PUDP: variants seen among roughly 807,000 people sequenced by gnomAD.
PUDP encodes pseudouridine 5'-phosphatase, also known as pseudouridine-5'-phosphatase.
A neutral mutation model predicts 9.4 loss-of-function variants in PUDP; 8 were observed. That is an observed-to-expected ratio of 0.85 (90% confidence interval 0.50 to 1.53). The LOEUF (loss-of-function observed/expected upper bound fraction) is 1.53, where lower values mean the gene tolerates loss of function less well. Ranked by LOEUF, PUDP falls within the 40% of genes most tolerant of loss-of-function variation. The pLI is 0.00. For synonymous variants in PUDP, 99 were observed against 80.7 expected, an observed-to-expected ratio of 1.23 and a Z score of -1.22; for missense variants, 188 against 189.7, an observed-to-expected ratio of 0.99 and a Z score of 0.05.
chrX:6,985,856 A>G (rs928578278), intron 1 of PUDP, among the ~76,000 whole-genome samples: 2 of 111,681 alleles, frequency 1.8e-5, no homozygotes, highest in Non-Finnish European at 3.8e-5. Flanking sequence ...GCTGAAACCT[A>G]CTGGGCTGCA....
intron 3 of PUDP, among the ~76,000 whole-genome samples, chrX:7,065,672 A>G (rs953570152): frequency 1.8e-5 from 2 of 112,333 alleles, no homozygotes; most frequent in African/African-American, 6.5e-5. Flanking sequence ...AGATCGGGTG[A>G]GGAAGGTACA....
intron 3 of PUDP, among the ~76,000 whole-genome samples, chrX:6,853,913 A>G (rs1266635172): frequency 2.7e-5 from 3 of 110,669 alleles, no homozygotes; most frequent in Non-Finnish European, 5.7e-5. Context: ...ACAGCCATGC[A>G]CCACCACACC....
chrX:6,901,210 C>A (rs991401520), intron 3 of PUDP, among the ~76,000 whole-genome samples: 1 of 111,980 alleles, frequency 8.9e-6, no homozygotes, highest in Non-Finnish European at 1.9e-5. Flanking sequence ...AGACACTGAA[C>A]AAATGGCTGC....
chrX:6,877,167 C>T (rs994344040), intron 3 of PUDP, among the ~76,000 whole-genome samples: 12 of 110,005 alleles, frequency 1.1e-4, no homozygotes, highest in Non-Finnish European at 2.1e-4. Context: ...CTATGTTGAT[C>T]AGGCTGGTCT....
intron 3 of PUDP, among the ~76,000 whole-genome samples, chrX:6,961,355 C>T (rs933177336): frequency 9.1e-6 from 1 of 110,346 alleles, no homozygotes; most frequent in African/African-American, 3.3e-5. Flanking sequence ...CACTGCACTC[C>T]AGCCTAGGCA....
intron 3 of PUDP, among the ~76,000 whole-genome samples, chrX:6,810,042 T>G (rs1358620629): frequency 9.2e-6 from 1 of 108,933 alleles, no homozygotes; most frequent in Non-Finnish European, 1.9e-5. Flanking sequence ...GTGGTGCCAC[T>G]GCACTCCAAC....
intron 3 of PUDP, among the ~76,000 whole-genome samples, chrX:6,909,726 G>T (rs1927821054): frequency 8.9e-6 from 1 of 111,944 alleles, no homozygotes; most frequent in Non-Finnish European, 1.9e-5. Context: ...ATAGGAGTCA[G>T]CGTGGATTTT....
At chrX:6,727,977 T>C (rs1159575222) in intron 3 of PUDP, among the ~76,000 whole-genome samples, 1 of 111,848 alleles carries the variant, frequency 8.9e-6, no homozygotes, top group Non-Finnish European at 1.9e-5. Flanking sequence ...GCTGTATTAG[T>C]CCATTTTCAT....
intron 1 of PUDP, among the ~76,000 whole-genome samples, chrX:6,981,001 A>C (rs1929024972): frequency 1.8e-5 from 2 of 111,389 alleles, no homozygotes; most frequent in Admixed American, 1.9e-4. Context: ...AGCATGAAAA[A>C]CAGATGCTGT....
intron 3 of PUDP, among the ~76,000 whole-genome samples, chrX:6,812,255 A>T (rs1409853696): frequency 1.8e-5 from 2 of 112,108 alleles, no homozygotes; most frequent in African/African-American, 6.5e-5. Context: ...CACTGCAAAG[A>T]GCTGGGGAGT....
chrX:6,757,083 T>C (rs916490736), intron 3 of PUDP, among the ~76,000 whole-genome samples: 2 of 112,023 alleles, frequency 1.8e-5, no homozygotes, highest in African/African-American at 6.5e-5. Context: ...GAGGTGAGAA[T>C]GCCTTGAGCA....
intron 1 of PUDP, among the ~76,000 whole-genome samples, chrX:7,028,167 G>A (rs1929745391): frequency 9.3e-6 from 1 of 108,057 alleles, no homozygotes; most frequent in African/African-American, 3.3e-5. Context: ...ACATAGTCTA[G>A]ACTATATAAC....
intron 1 of PUDP, among the ~76,000 whole-genome samples, chrX:7,016,505 C>T (rs757454262): frequency 1.8e-5 from 2 of 111,195 alleles, no homozygotes; most frequent in South Asian, 7.8e-4. Flanking sequence ...CCTCCCCACC[C>T]CACCCATTTC....
At chrX:7,051,665 C>T (rs1930104225) in intron 3 of PUDP, among the ~76,000 whole-genome samples, 1 of 112,503 alleles carries the variant, frequency 8.9e-6, no homozygotes, top group South Asian at 3.7e-4. Context: ...GTAAGTTTCA[C>T]ATGAGGGCTC....
In PUDP at chrX:7,077,588, T is replaced by A. The variant is rs1350410066; in HGVS notation, c.281-139A>T. 7 of 473,988 alleles carry A rather than the reference T, an allele frequency of 1.5e-5. No homozygotes were observed. The East Asian group carries it at 2.6e-4, about 18-fold the overall frequency. The allele number at this position is 473,988 out of a possible 1,213,427, so 39.1% of individuals were successfully genotyped here. Reference sequence around the variant, plus strand: ...GAGGAATTTCTGACCTAGGACAGATTGTCTAAAAGCGGTTGTCAGCTCCAC... The same window carrying A: ...GAGGAATTTCTGACCTAGGACAGATAGTCTAAAAGCGGTTGTCAGCTCCAC... On this transcript the variant is annotated intron_variant, in intron 2 of 3. Coordinates refer to ENST00000381077, the MANE Select transcript of PUDP (RefSeq NM_012080.5).
At chrX:6,824,742 T>A (rs774019681) in intron 3 of PUDP, among the ~76,000 whole-genome samples, 10 of 112,379 alleles carry the variant, frequency 8.9e-5, no homozygotes, top group Non-Finnish European at 1.9e-4. Flanking sequence ...CTCCTATTAA[T>A]CAATCTGCCT....
intron 3 of PUDP, among the ~76,000 whole-genome samples, chrX:6,974,847 C>T (rs1206420824): frequency 1.8e-5 from 2 of 111,249 alleles, no homozygotes; most frequent in Non-Finnish European, 3.8e-5. Flanking sequence ...TTCAGGAACA[C>T]CCATCAAATG....
chrX:6,749,776 G>T (rs1214426157), intron 3 of PUDP, among the ~76,000 whole-genome samples: 11 of 111,886 alleles, frequency 9.8e-5, no homozygotes. Flanking sequence ...TGAAGGAAAT[G>T]AACACGTTGA....
At chrX:6,814,244 T>G (rs1463811743) in intron 3 of PUDP, among the ~76,000 whole-genome samples, 7 of 111,385 alleles carry the variant, frequency 6.3e-5, no homozygotes, top group Admixed American at 5.8e-4. Flanking sequence ...AGTTCAACAT[T>G]TTATCTGAAA....
Sources: allele counts gnomAD v4.1 joint callset (sites outside exome capture counted in the v4.1 genomes callset), GRCh38; gene constraint gnomAD v4.1.1; transcripts MANE v1.5; gene names NCBI Gene and HGNC (gene_info 2026-07-23, HGNC 2026-07-21).